The following AFF1 variants were observed in gnomAD, a reference collection of about 807,000 sequenced individuals.
The protein encoded by AFF1 is ALF transcription elongation factor 1, also known as AF4/FMR2 family member 1.
A neutral mutation model predicts 121.7 loss-of-function variants in AFF1; 48 were observed. The ratio of observed to expected loss-of-function variants is 0.39; its 90% confidence interval spans 0.31 to 0.50. The LOEUF (loss-of-function observed/expected upper bound fraction) is 0.50. Among genes scored for constraint, AFF1 ranks in the 20% least tolerant of loss-of-function variants. The probability of loss-of-function intolerance (pLI) is 0.76; values close to 1 mark genes in which losing one functional copy is unlikely to be tolerated. For synonymous variants in AFF1, 613 were observed against 563.0 expected, an observed-to-expected ratio of 1.09 and a Z score of -1.26; for missense variants, 1,523 against 1,511.7, an observed-to-expected ratio of 1.01 and a Z score of -0.12.
chr4:87,014,977 A>C (rs988377424), intron 2 of AFF1, among the ~76,000 whole-genome samples: 13 of 152,182 alleles, frequency 8.5e-5, no homozygotes, highest in Non-Finnish European at 8.8e-5. Flanking sequence ...AAGATGGCCT[A>C]TTTAGTAAGT....
Position 87,111,101 on chromosome 4 carries a change from G to A in AFF1, c.1533+2786G>A, listed in dbSNP as rs1446694869. Among the ~76,000 whole-genome samples, 14 of 82,504 alleles carry A rather than the reference G, an allele frequency of 1.7e-4. 1 individual carries two copies. Among genetic ancestry groups the A allele is most frequent in the African/African-American group, 4.2e-4 (10 of 23,672 alleles). 54.1% of individuals were successfully genotyped at this position (82,504 alleles called of 152,430 possible). A position where few individuals can be genotyped will look rare whatever the true frequency, so the allele number is the denominator to read the frequency against. ...CGGCTCACTGCAAGCTCCGCCTCCCGGGTTCACGCCATTCTCCTGCCTCAG... is the reference window on the plus strand; with the variant it reads ...CGGCTCACTGCAAGCTCCGCCTCCCAGGTTCACGCCATTCTCCTGCCTCAG... On this transcript the variant is annotated intron_variant, in intron 11 of 20. Coordinates refer to ENST00000395146, the MANE Select transcript of AFF1 (RefSeq NM_001166693.3).
At chr4:86,959,779 G>A (rs1722015796) in intron 2 of AFF1, among the ~76,000 whole-genome samples, 1 of 152,164 alleles carries the variant, frequency 6.6e-6, no homozygotes, top group Non-Finnish European at 1.5e-5. Context: ...TTTGGGAAAG[G>A]GGCATTCTGG....
chr4:87,043,182 C>T (rs1296846261), intron 2 of AFF1, among the ~76,000 whole-genome samples: 1 of 152,322 alleles, frequency 6.6e-6, no homozygotes, highest in East Asian at 1.9e-4. Context: ...AGGCTGTGAA[C>T]ACTGACTGGC....
chr4:86,963,596 T>C (rs927029557), intron 2 of AFF1, among the ~76,000 whole-genome samples: 2 of 152,200 alleles, frequency 1.3e-5, no homozygotes, highest in Non-Finnish European at 2.9e-5. Flanking sequence ...TTTAACCTTA[T>C]AAAGATCTTA....
At chr4:86,968,830 T>C (rs1460355081) in intron 2 of AFF1, among the ~76,000 whole-genome samples, 1 of 152,146 alleles carries the variant, frequency 6.6e-6, no homozygotes, top group Non-Finnish European at 1.5e-5. Flanking sequence ...TCAACAGGTG[T>C]CACTTTTCTC....
At chr4:87,064,876 A>T (rs1721173851) in intron 4 of AFF1, among the ~76,000 whole-genome samples, 1 of 59,312 alleles carries the variant, frequency 1.7e-5, no homozygotes, top group South Asian at 4.1e-4. Flanking sequence ...TCCGTCTCAA[A>T]AGAAAAAAAA....
chr4:87,134,850 TTG>T (rs2307787), intron 20 of AFF1, among the ~76,000 whole-genome samples, 156 bp downstream of exon 20: 27,672 of 152,190 alleles, frequency 0.18, 2,745 homozygotes, highest in Middle Eastern at 0.3. Context: ...CAAAACCTAG[TTG>T]CGGTTGTTCC....
At chr4:87,131,891 T>A in intron 18 of AFF1, 27 bp downstream of exon 18, 1 of 1,516,590 alleles carries the variant, frequency 6.6e-7, no homozygotes, top group Non-Finnish European at 8.8e-7. Context: ...GTCTAAATAG[T>A]ACTAAATTTG....
chr4:87,020,369 T>C (rs868592181), intron 2 of AFF1, among the ~76,000 whole-genome samples: 1 of 152,246 alleles, frequency 6.6e-6, no homozygotes, highest in African/African-American at 2.4e-5. Flanking sequence ...TTGTATCTTA[T>C]TTCTGTATTC....
At chr4:86,992,598 G>C (rs1724814807) in intron 2 of AFF1, among the ~76,000 whole-genome samples, 1 of 152,130 alleles carries the variant, frequency 6.6e-6, no homozygotes, top group Admixed American at 6.6e-5. Context: ...TGACTTGTAA[G>C]GGCACTAACA....
chr4:87,074,218 C>G (rs1015237255), intron 4 of AFF1, among the ~76,000 whole-genome samples: 28 of 151,942 alleles, frequency 1.8e-4, no homozygotes, highest in African/African-American at 6.5e-4. Flanking sequence ...GGAAATAGAT[C>G]ATATAGCTTA....
Position 87,046,748 on chromosome 4 carries a change from C to T in AFF1, c.213C>T (p.Tyr71=), listed in dbSNP as rs370873969. 1.5e-5 allele frequency: 25 copies of T among 1,613,996 alleles called. No homozygotes were observed. Among genetic ancestry groups the T allele is most frequent in the African/African-American group, 1.1e-4 (8 of 74,946 alleles). Residue 71 remains tyrosine, a synonymous_variant, in exon 4 of 21, where the codon TAC becomes TAT. Transcript: ENST00000395146. The part of the protein sequence containing the change: ...SSRIQNMLGN[Y]EEVKEFLSTK... Reference sequence around the variant, plus strand: ...GAATACAGAACATGTTGGGAAACTACGAAGAAGTGAAGGAGTTCCTTAGTA... The same window carrying T: ...GAATACAGAACATGTTGGGAAACTATGAAGAAGTGAAGGAGTTCCTTAGTA...
At chr4:87,040,893 T>TTTTTTA (rs1730073775) in intron 2 of AFF1, among the ~76,000 whole-genome samples, 1 of 140,412 alleles carries the variant, frequency 7.1e-6, no homozygotes, top group African/African-American at 2.7e-5. Context: ...TTTTTTTTTT[T>TTTTTTA]GAGATGGAGT....
intron 2 of AFF1, among the ~76,000 whole-genome samples, chr4:86,983,224 C>CTACTAAAAA (rs1181465573): frequency 2.0e-5 from 3 of 152,016 alleles, no homozygotes; most frequent in Non-Finnish European, 4.4e-5. Context: ...AACCCTCTCT[C>CTACTAAAAA]TACTAAAAAT....
chr4:87,064,250 A>C (rs550219297), intron 4 of AFF1, among the ~76,000 whole-genome samples: 2 of 152,340 alleles, frequency 1.3e-5, no homozygotes, highest in Non-Finnish European at 2.9e-5. Context: ...CTGGGTCACA[A>C]ATTTAGTAAG....
At chr4:86,945,639 T>TA in intron 1 of AFF1, among the ~76,000 whole-genome samples, 1 of 151,410 alleles carries the variant, frequency 6.6e-6, no homozygotes, top group East Asian at 2.0e-4. Flanking sequence ...TAGCTAGGAC[T>TA]ACAGGCATGT....
At chr4:86,974,551 G>T (rs531234037) in intron 2 of AFF1, among the ~76,000 whole-genome samples, 1 of 152,288 alleles carries the variant, frequency 6.6e-6, no homozygotes, top group East Asian at 1.9e-4. Context: ...TTCTGCCATT[G>T]TAACTGGTTG....
chr4:87,062,113 T>G (rs1185059793), intron 4 of AFF1, among the ~76,000 whole-genome samples: 1 of 152,136 alleles, frequency 6.6e-6, no homozygotes, highest in Non-Finnish European at 1.5e-5. Flanking sequence ...CCTGTATGAG[T>G]GATGAGAAAA....
At chr4:87,007,033 C>T in intron 2 of AFF1, 1 of 1,164,418 alleles carries the variant, frequency 8.6e-7, no homozygotes, top group Non-Finnish European at 1.1e-6. Context: ...TGTGCTGTTG[C>T]TGGGCAGGCG....
Sources: allele counts gnomAD v4.1 joint callset (sites outside exome capture counted in the v4.1 genomes callset), GRCh38; gene constraint gnomAD v4.1.1; transcripts MANE v1.5; gene names NCBI Gene and HGNC (gene_info 2026-07-23, HGNC 2026-07-21).